SEMA3A: variants seen among roughly 807,000 people sequenced by gnomAD.
SEMA3A encodes semaphorin 3A.
Under a neutral mutation model 97.9 loss-of-function variants are expected in SEMA3A, and 29 were observed. The ratio of observed to expected loss-of-function variants is 0.30; its 90% CI spans 0.22 to 0.40. The LOEUF (loss-of-function observed/expected upper bound fraction) is 0.40, where lower values mean the gene tolerates loss of function less well. SEMA3A is among the 10% of genes least tolerant of loss of function. The probability of loss-of-function intolerance (pLI) is 1.00; values close to 1 mark genes in which losing one functional copy is unlikely to be tolerated. For missense variants in SEMA3A, 763 were observed against 951.3 expected, an observed-to-expected ratio of 0.80 and a Z score of 2.60; for synonymous variants, 321 against 323.7, an observed-to-expected ratio of 0.99 and a Z score of 0.09.
intron 1 of SEMA3A, among the ~76,000 whole-genome samples, chr7:84,462,112 C>T (rs963717477): frequency 6.6e-6 from 1 of 151,984 alleles, no homozygotes; most frequent in African/African-American, 2.4e-5. Context: ...ATGTCTCATA[C>T]AAGACTACCA....
chr7:84,187,123 C>A (rs1797910155), intron 1 of SEMA3A, among the ~76,000 whole-genome samples: 1 of 152,180 alleles, frequency 6.6e-6, no homozygotes, highest in South Asian at 2.1e-4. Context: ...AGGCTCTGAA[C>A]TGCTAAATCT....
chr7:84,414,834 TAATCAAATAAATAAACG>T (rs1285922095), intron 1 of SEMA3A, among the ~76,000 whole-genome samples: 3 of 151,974 alleles, frequency 2.0e-5, no homozygotes, highest in African/African-American at 7.2e-5. Context: ...TGGATCAAAA[TAATCAAATAAATAAACG>T]AATCAGCAAA....
chr7:84,487,373 A>C (rs1408115753), intron 1 of SEMA3A, among the ~76,000 whole-genome samples: 1 of 151,928 alleles, frequency 6.6e-6, no homozygotes, highest in Non-Finnish European at 1.5e-5. Context: ...AGAGACTTCT[A>C]CTCAGACTAC....
intron 3 of SEMA3A, among the ~76,000 whole-genome samples, chr7:84,245,950 C>T (rs1799466690): frequency 6.6e-6 from 1 of 152,180 alleles, no homozygotes; most frequent in East Asian, 1.9e-4. Context: ...ACAGCTGTGC[C>T]CATAGCCGCC....
intron 3 of SEMA3A, among the ~76,000 whole-genome samples, chr7:84,238,438 C>A (rs563127936): frequency 1.3e-5 from 2 of 152,272 alleles, no homozygotes; most frequent in South Asian, 2.1e-4. Context: ...TGGAAGTCTA[C>A]ACCACTTAAT....
chr7:84,469,144 A>G (rs1471675940), intron 1 of SEMA3A, among the ~76,000 whole-genome samples: 1 of 152,054 alleles, frequency 6.6e-6, no homozygotes, highest in African/African-American at 2.4e-5. Context: ...TGAATAATAA[A>G]CTGTCTATTC....
At chr7:84,256,412 G>A (rs575988462) in intron 3 of SEMA3A, among the ~76,000 whole-genome samples, 6 of 151,956 alleles carry the variant, frequency 3.9e-5, no homozygotes, top group Admixed American at 3.9e-4. Context: ...AGATCCTTTG[G>A]ACATTTTTAA....
intron 1 of SEMA3A, among the ~76,000 whole-genome samples, chr7:84,387,902 T>C (rs190437058): frequency 1.3e-5 from 2 of 152,294 alleles, no homozygotes; most frequent in East Asian, 3.9e-4. Flanking sequence ...TAGATGTTGC[T>C]CTTCGGGGCT....
chr7:84,389,899 G>A (rs1004551924), intron 1 of SEMA3A, among the ~76,000 whole-genome samples: 2 of 152,044 alleles, frequency 1.3e-5, no homozygotes, highest in Non-Finnish European at 2.9e-5. Context: ...ATTAGACAGA[G>A]AGAAAGAGAC....
chr7:84,445,334 T>C (rs1805381619), intron 1 of SEMA3A, among the ~76,000 whole-genome samples: 1 of 149,636 alleles, frequency 6.7e-6, no homozygotes, highest in African/African-American at 2.5e-5. Context: ...TACTAAAAAA[T>C]ACAACAAAAA....
chr7:84,434,683 CT>C (rs1805079027), intron 1 of SEMA3A, among the ~76,000 whole-genome samples: 1 of 152,126 alleles, frequency 6.6e-6, no homozygotes. Context: ...GGTTTCATTC[CT>C]GGGATGTAAG....
At chr7:84,457,061 T>C (rs961613734) in intron 1 of SEMA3A, among the ~76,000 whole-genome samples, 1 of 151,630 alleles carries the variant, frequency 6.6e-6, no homozygotes, top group African/African-American at 2.4e-5. Context: ...ATACTTGCAT[T>C]TTGGTATCAA....
chr7:83,978,631 T>G (rs1239500446), intron 14 of SEMA3A, among the ~76,000 whole-genome samples: 4 of 152,226 alleles, frequency 2.6e-5, no homozygotes, highest in Non-Finnish European at 5.9e-5. Context: ...ACTGTATTCA[T>G]AAATTTAGAA....
chr7:84,150,913 C>T (rs1796635268), intron 1 of SEMA3A, among the ~76,000 whole-genome samples: 1 of 150,846 alleles, frequency 6.6e-6, no homozygotes, highest in Non-Finnish European at 1.5e-5. Flanking sequence ...AGACTGCCTC[C>T]TCAAGTGGGT....
At chr7:84,358,429 C>T (rs1441545541) in intron 2 of SEMA3A, among the ~76,000 whole-genome samples, 1 of 152,072 alleles carries the variant, frequency 6.6e-6, no homozygotes. Flanking sequence ...TCAGGTTTGT[C>T]AAAGATCAGA....
At chr7:84,173,847 A>C (rs934578038) in intron 1 of SEMA3A, among the ~76,000 whole-genome samples, 1 of 152,128 alleles carries the variant, frequency 6.6e-6, no homozygotes, top group African/African-American at 2.4e-5. Flanking sequence ...GCCTCCTGTC[A>C]GATCAACGGG....
In SEMA3A at chr7:84,110,435, A is replaced by G. The variant is rs766152265; in HGVS notation, c.453+35T>C. On this transcript the variant is annotated intron_variant, in intron 4 of 16. Coordinates refer to ENST00000265362, the MANE Select transcript of SEMA3A (RefSeq NM_006080.3). Reference sequence around the variant, plus strand: ...GAAGCATTTTGAATAGAAAGGGGTCATGGACAAATATAATTTTTAAAAAGC... The same window carrying G: ...GAAGCATTTTGAATAGAAAGGGGTCGTGGACAAATATAATTTTTAAAAAGC... 6 of 1,611,430 alleles carry G rather than the reference A, an allele frequency of 3.7e-6. No individual in the cohort carries two copies. The African/African-American group carries it at 6.7e-5, about 18-fold the overall frequency.
intron 12 of SEMA3A, among the ~76,000 whole-genome samples, chr7:83,992,097 T>G (rs1789972536): frequency 7.0e-6 from 1 of 142,368 alleles, no homozygotes; most frequent in Non-Finnish European, 1.5e-5. Context: ...GATTTTCTAG[T>G]TTATTTGCGT....
intron 4 of SEMA3A, among the ~76,000 whole-genome samples, chr7:84,089,182 G>A (rs1321784334): frequency 6.6e-6 from 1 of 152,098 alleles, no homozygotes; most frequent in Non-Finnish European, 1.5e-5. Flanking sequence ...TCCCTTTAAA[G>A]AAGAATAGAA....
Sources: allele counts gnomAD v4.1 joint callset (sites outside exome capture counted in the v4.1 genomes callset), GRCh38; gene constraint gnomAD v4.1.1; transcripts MANE v1.5; gene names NCBI Gene and HGNC (gene_info 2026-07-23, HGNC 2026-07-21).